The following CPLANE1 variants were observed in gnomAD, a reference collection of about 807,000 sequenced individuals.
The protein encoded by CPLANE1 is ciliogenesis and planar polarity effector complex subunit 1.
A neutral mutation model predicts 362.5 loss-of-function variants in CPLANE1; 263 were observed. The observed-to-expected ratio is 0.73, with a 90% CI of 0.66 to 0.80. The LOEUF (loss-of-function observed/expected upper bound fraction) is 0.80. Among genes scored for constraint, CPLANE1 ranks in the 30% least tolerant of loss-of-function variants. The probability of loss-of-function intolerance (pLI) is 0.00; values close to 1 mark genes in which losing one functional copy is unlikely to be tolerated. For synonymous variants in CPLANE1, 1,212 were observed against 1,302.6 expected (o/e 0.93, Z 1.50); for missense variants, 3,461 against 3,793.4 (o/e 0.91, Z 2.30).
chr5:37,158,623 A>T (rs554650955), intron 38 of CPLANE1, among the ~76,000 whole-genome samples: 1 of 152,308 alleles, frequency 6.6e-6, no homozygotes, highest in East Asian at 1.9e-4. Flanking sequence ...AAATGCTAAA[A>T]TTTCCTATTT....
intron 50 of CPLANE1, among the ~76,000 whole-genome samples, chr5:37,119,530 T>C (rs551645685): frequency 9.7e-4 from 148 of 151,940 alleles, no homozygotes; most frequent in African/African-American, 3.5e-3. Flanking sequence ...ATTAGCCAGG[T>C]ATGGTGATGC....
chr5:37,090,807 C>T, the CPLANE1 span, among the ~76,000 whole-genome samples: 1 of 152,214 alleles, frequency 6.6e-6, no homozygotes, highest in Non-Finnish European at 1.5e-5. Context: ...TTGGCTTACA[C>T]TGTTTATTTA....
chr5:37,211,245 G>T lies in CPLANE1; in HGVS notation c.2920+2314C>A, dbSNP rs912993134. On this transcript the variant is annotated intron_variant, in intron 16 of 52. Coordinates refer to ENST00000651892, the MANE Select transcript of CPLANE1 (RefSeq NM_001384732.1). ...TTCCCCTGATTCTGACCTTGAGTTT[G>T]TCGCCAATACTAATGCAAGGGTCAA... 3 of 1,499,276 alleles carry T rather than the reference G, an allele frequency of 2.0e-6. No individual in the cohort carries two copies. In the African/African-American group the frequency reaches 4.1e-5, roughly 21 times the overall value. The allele number at this position is 1,499,276 out of a possible 1,614,324, so 92.9% of individuals were successfully genotyped here. A position where few individuals can be genotyped will look rare whatever the true frequency, so the allele number is the denominator to read the frequency against.
At chr5:37,233,571 G>A (rs1561688218) in intron 8 of CPLANE1, among the ~76,000 whole-genome samples, 1 of 152,014 alleles carries the variant, frequency 6.6e-6, no homozygotes, top group Non-Finnish European at 1.5e-5. Context: ...GAGCAGCTAT[G>A]TCATGGGGGA....
Position 37,209,866 on chromosome 5 carries a change from G to C in CPLANE1, c.2921-3441C>G, listed in dbSNP as rs1792083130. On this transcript the variant is annotated intron_variant, in intron 16 of 52. Transcript: ENST00000651892. The surrounding 1 kb of genome is among the most constrained non-coding windows in gnomAD (Gnocchi z 4.6). ...GAAACTCAGACAAGTTCGACATTTA[G>C]CAGAGATTCTCTGGCTGAGAAGCTT... 1.4e-6 allele frequency: 2 copies of C among 1,383,428 alleles called. No individual in the cohort carries two copies. The highest frequency in any genetic ancestry group is 2.3e-5 in the East Asian group (1 of 43,754). The allele number at this position is 1,383,428 out of a possible 1,614,324, so 85.7% of individuals were successfully genotyped here. A position where few individuals can be genotyped will look rare whatever the true frequency, so the allele number is the denominator to read the frequency against.
In CPLANE1 at chr5:37,226,539, A is replaced by C; in HGVS notation, c.2056T>G (p.Leu686Val). The C allele has an allele frequency of 6.5e-7, 1 of 1,548,796 alleles. No individual in the cohort carries two copies. Among genetic ancestry groups the C allele is most frequent in the Non-Finnish European group, 8.7e-7 (1 of 1,145,940 alleles). The change falls in exon 12 of 53, where the codon TTA becomes GTA. Residue 686 changes from leucine to valine, a missense_variant. Physicochemically the swap from Leu to Val is conservative, Grantham distance 32. Coordinates refer to ENST00000651892, the MANE Select transcript of CPLANE1 (RefSeq NM_001384732.1). ...QKGQLFSEKL[L>V]ACFYLLKMVA... is the part of the protein sequence containing the mutation. Reference sequence around the variant, plus strand: ...ATTTTGAGTAAATAAAAACAAGCTAAAAGTTTCTCTGAGAATAACTGACCC... The same window carrying C: ...ATTTTGAGTAAATAAAAACAAGCTACAAGTTTCTCTGAGAATAACTGACCC...
intron 49 of CPLANE1, among the ~76,000 whole-genome samples, chr5:37,121,330 C>T (rs999285740): frequency 2.0e-5 from 3 of 152,124 alleles, no homozygotes; most frequent in African/African-American, 7.2e-5. Flanking sequence ...CAAATATTAA[C>T]AACAACTAAA....
intron 9 of CPLANE1, among the ~76,000 whole-genome samples, chr5:37,228,716 T>C (rs911821347): frequency 3.3e-5 from 5 of 152,180 alleles, no homozygotes; most frequent in Non-Finnish European, 7.3e-5. Context: ...CTTTGAAGTA[T>C]AGGATTACAA....
At chr5:37,135,889 G>A (rs774200472) in intron 46 of CPLANE1, among the ~76,000 whole-genome samples, 3 of 151,810 alleles carry the variant, frequency 2.0e-5, no homozygotes, top group Admixed American at 6.6e-5. Context: ...TTACTATCAC[G>A]AGAACAGGAT....
intron 16 of CPLANE1, chr5:37,212,451 G>A: frequency 4.5e-6 from 3 of 671,540 alleles, no homozygotes; most frequent in South Asian, 4.4e-5. Flanking sequence ...CTTTGTAAAT[G>A]TTTCTCTATC....
chr5:37,176,249 A>T (rs1319621050), intron 30 of CPLANE1: 1 of 335,540 alleles, frequency 3.0e-6, no homozygotes, highest in East Asian at 5.3e-5. Context: ...CAGAACCCAA[A>T]ATGAGGGGAC....
At chr5:37,157,611 CAA>C (rs889158857) in intron 40 of CPLANE1, 57 bp downstream of exon 40, 2 of 1,435,836 alleles carry the variant, frequency 1.4e-6, no homozygotes, top group African/African-American at 2.8e-5. Flanking sequence ...GTAGGGATAA[CAA>C]TGCTATATTA....
chr5:37,185,638 T>G (rs896994914), intron 24 of CPLANE1, among the ~76,000 whole-genome samples: 1 of 152,046 alleles, frequency 6.6e-6, no homozygotes, highest in South Asian at 2.1e-4. Flanking sequence ...ACAAATACAA[T>G]ATATTAATAG....
chr5:37,230,989 T>C lies in CPLANE1; in HGVS notation c.999A>G (p.Leu333=), dbSNP rs1334292060. Reference sequence around the variant, plus strand: ...TCAATAAAACCAGAGAGCCACGTTTTAACATACAAGCCAGAAAAAGACTAT... The same window carrying C: ...TCAATAAAACCAGAGAGCCACGTTTCAACATACAAGCCAGAAAAAGACTAT... The part of the protein sequence containing the change: ...THDSLFLACM[L]KRGSLVLLTC... The change falls in exon 9 of 53, where the codon TTA becomes TTG. Residue 333 remains leucine (L), a synonymous_variant. Coordinates refer to ENST00000651892, the MANE Select transcript of CPLANE1 (RefSeq NM_001384732.1). The C allele has an allele frequency of 6.4e-7, 1 of 1,551,344 alleles. No homozygotes were observed. Among genetic ancestry groups the C allele is most frequent in the East Asian group, 2.4e-5 (1 of 40,888 alleles).
At chr5:37,124,057 A>G (rs1763469991) in intron 47 of CPLANE1, among the ~76,000 whole-genome samples, 2 of 152,144 alleles carry the variant, frequency 1.3e-5, no homozygotes, top group South Asian at 4.1e-4. Flanking sequence ...TGGGCTATCA[A>G]GAAAACGTTA....
At chr5:37,211,161 C>A in intron 16 of CPLANE1, 3 of 1,273,216 alleles carry the variant, frequency 2.4e-6, no homozygotes, top group South Asian at 1.2e-5. Context: ...GGAAAAAGTT[C>A]TAGCAGGTAC....
chr5:37,187,074 A>C (rs925246945), intron 23 of CPLANE1, among the ~76,000 whole-genome samples: 2 of 148,738 alleles, frequency 1.3e-5, no homozygotes, highest in Non-Finnish European at 1.5e-5. Flanking sequence ...AAAAAAAAAA[A>C]AAAAAAAAAA....
At chr5:37,081,631 C>T in the CPLANE1 span, among the ~76,000 whole-genome samples, 4 of 151,710 alleles carry the variant, frequency 2.6e-5, no homozygotes, top group East Asian at 3.9e-4. Context: ...CCTGAAAATG[C>T]GGTTTTAAGG....
intron 47 of CPLANE1, among the ~76,000 whole-genome samples, chr5:37,124,160 A>G (rs1763495235): frequency 6.6e-6 from 1 of 152,194 alleles, no homozygotes; most frequent in Non-Finnish European, 1.5e-5. Context: ...TGGCGTTTTA[A>G]TGGAACAGTT....
Sources: allele counts gnomAD v4.1 joint callset (sites outside exome capture counted in the v4.1 genomes callset), GRCh38; gene constraint gnomAD v4.1.1; non-coding constraint Gnocchi (gnomAD v3.1); transcripts MANE v1.5; gene names NCBI Gene and HGNC (gene_info 2026-07-23, HGNC 2026-07-21).